The following ABHD18 variants were observed in gnomAD, a reference collection of about 807,000 sequenced individuals.
The protein encoded by ABHD18 is abhydrolase domain containing 18, also known as cardiolipin-specific deacylase, mitochondrial.
ABHD18 carries 55 observed loss-of-function variants against 65.9 expected under a neutral mutation model. The observed-to-expected ratio is 0.84, with a 90% CI of 0.67 to 1.05. ABHD18 has a LOEUF of 1.05. Among genes scored for constraint, ABHD18 ranks in the 50% least tolerant of loss-of-function variants. The pLI, the probability that ABHD18 is intolerant of heterozygous loss-of-function variation, is 0.00. For synonymous variants in ABHD18, 181 were observed against 180.2 expected (o/e 1.00, Z -0.04); for missense variants, 533 against 558.5 (o/e 0.95, Z 0.46).
intron 10 of ABHD18, among the ~76,000 whole-genome samples, chr4:128,023,403 CAAAAAAAAAAA>C (rs59549849): frequency 1.6e-4 from 7 of 44,966 alleles, no homozygotes; most frequent in Admixed American, 4.6e-4. Context: ...CTTGTCTCTA[CAAAAAAAAAAA>C]AAAAAAAAAA....
At chr4:127,984,940 G>A (rs1749710224) in intron 3 of ABHD18, among the ~76,000 whole-genome samples, 1 of 152,192 alleles carries the variant, frequency 6.6e-6, no homozygotes, top group Admixed American at 6.5e-5. Context: ...TATATTGGAA[G>A]CATATGTTTA....
At chr4:127,979,904 A>G (rs1748687390) in intron 1 of ABHD18, among the ~76,000 whole-genome samples, 1 of 139,196 alleles carries the variant, frequency 7.2e-6, no homozygotes, top group African/African-American at 2.7e-5. Flanking sequence ...CGACAGAGTG[A>G]GACTCCATCT....
At position 127,990,278 on chromosome 4, in the gene ABHD18, T is replaced by G. The variant is rs1394481430; in HGVS notation, c.278+457T>G. 2.0e-5 allele frequency among the ~76,000 whole-genome samples: 3 copies of G among 152,162 alleles called. No individual in the cohort carries two copies. In the East Asian group the frequency reaches 5.8e-4, roughly 29 times the overall value. On this transcript the variant is annotated intron_variant, in intron 4 of 12. Transcript: ENST00000645843. Reference sequence around the variant, plus strand: ...ATTTTTGGCTTTTAAATTTTTAGTTTTAGGTCAAGCATGGTGGCTTATGCC... The same window carrying G: ...ATTTTTGGCTTTTAAATTTTTAGTTGTAGGTCAAGCATGGTGGCTTATGCC...
rs1441273542 is a variant in ABHD18 at position 128,038,162 on chromosome 4, A to C, written c.*2349A>C. ...TAATGTGAAGTTATTGATGGTAGAC[A>C]AAGTAGTAACTTCTTTCAAACTACT... On this transcript the variant is annotated 3_prime_UTR_variant, in exon 13 of 13. Transcript: ENST00000645843. The C allele has an allele frequency of 6.6e-6, 1 of 152,238 alleles. No individual in the cohort carries two copies. The highest frequency in any genetic ancestry group is 1.5e-5 in the Non-Finnish European group (1 of 68,040). 9.4% of individuals were successfully genotyped at this position (152,238 alleles called of 1,614,324 possible). A position where few individuals can be genotyped will look rare whatever the true frequency, so the allele number is the denominator to read the frequency against.
At chr4:128,012,161 G>A (rs1754695769) in intron 7 of ABHD18, among the ~76,000 whole-genome samples, 1 of 152,024 alleles carries the variant, frequency 6.6e-6, no homozygotes, top group African/African-American at 2.4e-5. Flanking sequence ...ATGTTTAGTA[G>A]AGATGGGCTT....
At chr4:128,035,729 T>G in intron 12 of ABHD18, 33 bp from the exon 13 acceptor site, 7 of 1,358,930 alleles carry the variant, frequency 5.2e-6, no homozygotes, top group Non-Finnish European at 7.1e-6. Flanking sequence ...TTTTGTTAGT[T>G]ACTTAGAGTT....
At chr4:128,010,888 G>A (rs1754412472) in intron 6 of ABHD18, among the ~76,000 whole-genome samples, 1 of 142,574 alleles carries the variant, frequency 7.0e-6, no homozygotes. Context: ...CTGGGCGACG[G>A]AGCAAGACTG....
intron 4 of ABHD18, among the ~76,000 whole-genome samples, chr4:128,007,988 G>A (rs1172688912): frequency 1.3e-5 from 2 of 152,062 alleles, no homozygotes; most frequent in Non-Finnish European, 2.9e-5. Context: ...TTTTGGCTAG[G>A]CATGGTGGCT....
At chr4:128,023,879 G>A (rs1161765973) in intron 10 of ABHD18, among the ~76,000 whole-genome samples, 3 of 152,054 alleles carry the variant, frequency 2.0e-5, no homozygotes, top group Non-Finnish European at 4.4e-5. Context: ...GCGAGACTCC[G>A]TCTCAAAAAA....
chr4:128,031,202 C>G (rs1758156016), intron 12 of ABHD18: 25 of 936,102 alleles, frequency 2.7e-5, no homozygotes, highest in African/African-American at 3.5e-5. Flanking sequence ...CGCCTGTAAT[C>G]CCAGCACTTT....
At chr4:127,988,387 C>T (rs1196168936) in intron 3 of ABHD18, among the ~76,000 whole-genome samples, 2 of 152,062 alleles carry the variant, frequency 1.3e-5, no homozygotes, top group African/African-American at 4.8e-5. Flanking sequence ...CATGCCACCA[C>T]GTTCAGCTAA....
intron 1 of ABHD18, among the ~76,000 whole-genome samples, chr4:127,975,132 G>GT (rs1213052309): frequency 6.6e-6 from 1 of 151,132 alleles, no homozygotes; most frequent in Non-Finnish European, 1.5e-5. Context: ...TGTTTTCTCA[G>GT]TTTTTTTTCT....
chr4:128,035,943 T>C lies in ABHD18; in HGVS notation c.*130T>C. ...CGCTATCAATTTGGTCTGGAATTCA[T>C]TGTTACACATCAGTTAACTATAAAC... On this transcript the variant is annotated 3_prime_UTR_variant, in exon 13 of 13. Transcript: ENST00000645843. 1 of 477,122 alleles carries C rather than the reference T, an allele frequency of 2.1e-6. No homozygotes were observed. The highest frequency in any genetic ancestry group is 3.7e-6 in the Non-Finnish European group (1 of 269,184). 29.6% of individuals were successfully genotyped at this position (477,122 alleles called of 1,614,324 possible).
intron 4 of ABHD18, among the ~76,000 whole-genome samples, chr4:127,997,304 A>G (rs143054790): frequency 2.3e-4 from 35 of 152,372 alleles, no homozygotes; most frequent in Admixed American, 1.0e-3. Flanking sequence ...TGCATCTAAT[A>G]CAGATGTACA....
chr4:127,990,524 T>C (rs1468773120), intron 4 of ABHD18, among the ~76,000 whole-genome samples: 1 of 152,120 alleles, frequency 6.6e-6, no homozygotes, highest in African/African-American at 2.4e-5. Flanking sequence ...AGTGTGCCAC[T>C]GTACTCCAGC....
chr4:128,014,417 A>G (rs1311060061), intron 7 of ABHD18, among the ~76,000 whole-genome samples: 1 of 152,148 alleles, frequency 6.6e-6, no homozygotes, highest in East Asian at 1.9e-4. Context: ...TAATAGAAAG[A>G]CTGACTTTGG....
rs554144877 is a variant in ABHD18, at chr4:128,021,322, C to A, written c.801+84C>A. 27 of 843,740 alleles carry A rather than the reference C, an allele frequency of 3.2e-5. No individual in the cohort carries two copies. In the African/African-American group the frequency reaches 4.0e-4, roughly 12 times the overall value. The allele number at this position is 843,740 out of a possible 1,614,324, so 52.3% of individuals were successfully genotyped here. ...TGATTCAGGTTTTTAAAGAGAATAG[C>A]AAATTTTTAAAAACATAGCTGTACA... On this transcript the variant is annotated intron_variant, in intron 10 of 12. Coordinates refer to ENST00000645843, the MANE Select transcript of ABHD18 (RefSeq NM_001358451.3).
In ABHD18 at chr4:128,030,845, ATCT is replaced by A. The variant is rs1265102385; in HGVS notation, c.1343+178_1343+180del. The A allele has an allele frequency of 2.8e-5, 38 of 1,363,576 alleles. 1 individual carries two copies. The highest frequency in any genetic ancestry group is 6.0e-5 in the East Asian group (2 of 33,256). 84.5% of individuals were successfully genotyped at this position (1,363,576 alleles called of 1,614,324 possible). A position where few individuals can be genotyped will look rare whatever the true frequency, so the allele number is the denominator to read the frequency against. On this transcript the variant is annotated intron_variant, in intron 12 of 12. Coordinates refer to ENST00000645843, the MANE Select transcript of ABHD18 (RefSeq NM_001358451.3). ...ACTTTTCCCTCTTTCCTAGAATTTGATCTTCTTATTTTCTTCTAGAGAACTAAG... is the reference window on the plus strand; with the variant it reads ...ACTTTTCCCTCTTTCCTAGAATTTGATCTTATTTTCTTCTAGAGAACTAAG...
At chr4:127,986,059 A>G (rs796953513) in intron 3 of ABHD18, among the ~76,000 whole-genome samples, 5 of 152,226 alleles carry the variant, frequency 3.3e-5, no homozygotes, top group African/African-American at 7.2e-5. Context: ...ACAATATACA[A>G]TTGAATGGTT....
Sources: gnomAD v4.1 joint callset for allele counts (sites outside exome capture counted in the v4.1 genomes callset) on GRCh38, gnomAD v4.1.1 for gene constraint, MANE v1.5 for transcripts, NCBI Gene and HGNC (gene_info 2026-07-23, HGNC 2026-07-21) for gene names.